The following SSH2 variants were observed in gnomAD, a reference collection of about 807,000 sequenced individuals.
SSH2 encodes protein phosphatase Slingshot homolog 2.
In SSH2, 37 loss-of-function variants were observed where a neutral mutation model predicts 135.2. The ratio of observed to expected loss-of-function variants is 0.27; its 90% confidence interval spans 0.21 to 0.36. The LOEUF (loss-of-function observed/expected upper bound fraction) is 0.36, where lower values mean the gene tolerates loss of function less well. Ranked by LOEUF, SSH2 falls within the 10% of genes least tolerant of loss-of-function variation. The pLI, the probability that SSH2 is intolerant of heterozygous loss-of-function variation, is 1.00. For synonymous variants in SSH2, 628 were observed against 646.2 expected (o/e 0.97, Z 0.43); for missense variants, 1,408 against 1,765.3 (o/e 0.80, Z 3.63).
In SSH2 at chr17:29,716,382, T is replaced by C. The variant is rs73280673; in HGVS notation, c.189-13320A>G. 380 of 534,704 alleles carry C rather than the reference T, an allele frequency of 7.1e-4. 3 individuals carry two copies. Among genetic ancestry groups the C allele is most frequent in the African/African-American group, 5.8e-3 (303 of 51,938 alleles). The allele number at this position is 534,704 out of a possible 1,614,324, so 33.1% of individuals were successfully genotyped here. ...CTCTTAGAGTGCTTTATGTGCTCAA[T>C]ACACACATTAATTAGAGTGCTTAAT... On this transcript the variant is annotated intron_variant, in intron 3 of 15. Coordinates refer to ENST00000540801, the MANE Select transcript of SSH2 (RefSeq NM_001282129.2).
chr17:29,867,451 G>A (rs2065872458), intron 1 of SSH2, among the ~76,000 whole-genome samples: 1 of 152,278 alleles, frequency 6.6e-6, no homozygotes, highest in South Asian at 2.1e-4. Context: ...TTGGGACCTG[G>A]ACTATGAAAG....
chr17:29,895,148 A>G (rs1475895860), intron 1 of SSH2, among the ~76,000 whole-genome samples: 1 of 147,732 alleles, frequency 6.8e-6, no homozygotes, highest in African/African-American at 2.5e-5. Context: ...TATTTTATTT[A>G]TAGATCGCAG....
chr17:29,816,154 C>T (rs62068616), intron 2 of SSH2, among the ~76,000 whole-genome samples: 8 of 152,072 alleles, frequency 5.3e-5, no homozygotes, highest in Non-Finnish European at 8.8e-5. Flanking sequence ...TGGCCTAGAG[C>T]CCTGATTTTT....
At chr17:29,736,295 G>C (rs953448518) in intron 3 of SSH2, among the ~76,000 whole-genome samples, 3 of 152,094 alleles carry the variant, frequency 2.0e-5, no homozygotes, top group African/African-American at 7.2e-5. Context: ...GGACACTCTA[G>C]AAATGTCAAC....
intron 1 of SSH2, among the ~76,000 whole-genome samples, chr17:29,925,769 CA>C: frequency 1.3e-5 from 2 of 151,006 alleles, no homozygotes; most frequent in Admixed American, 6.6e-5. Flanking sequence ...GTTTTCACCA[CA>C]AAAAAAGCTA....
chr17:29,882,113 GA>G (rs1324307983), intron 1 of SSH2, among the ~76,000 whole-genome samples: 3 of 152,174 alleles, frequency 2.0e-5, no homozygotes, highest in African/African-American at 7.2e-5. Context: ...TCTAAAATGA[GA>G]ATGTAATTTT....
At chr17:29,641,378 A>G (rs186988010) in intron 14 of SSH2, among the ~76,000 whole-genome samples, 1 of 151,668 alleles carries the variant, frequency 6.6e-6, no homozygotes, top group Non-Finnish European at 1.5e-5. Context: ...CCCACCTCCC[A>G]CCCCCTTCCA....
At chr17:29,785,828 G>A (rs1324958319) in intron 3 of SSH2, among the ~76,000 whole-genome samples, 2 of 121,722 alleles carry the variant, frequency 1.6e-5, no homozygotes, top group African/African-American at 3.3e-5. Flanking sequence ...TTTTTTAGAC[G>A]GAGTCTGCCT....
intron 3 of SSH2, among the ~76,000 whole-genome samples, chr17:29,724,907 G>A (rs1374733408): frequency 6.6e-6 from 1 of 151,668 alleles, no homozygotes; most frequent in East Asian, 2.0e-4. Flanking sequence ...TTTTCTGAAG[G>A]TGTTCTAGTT....
intron 11 of SSH2, among the ~76,000 whole-genome samples, chr17:29,663,805 GAACCCTA>G (rs1403968482): frequency 1.3e-5 from 2 of 152,148 alleles, no homozygotes; most frequent in Non-Finnish European, 2.9e-5. Context: ...CACCAAGAGT[GAACCCTA>G]TTGTAAACTA....
intron 14 of SSH2, among the ~76,000 whole-genome samples, chr17:29,638,905 A>G (rs1020894918): frequency 1.3e-5 from 2 of 152,130 alleles, no homozygotes; most frequent in African/African-American, 4.8e-5. Context: ...TTATAATCAG[A>G]AAAAAACCTA....
At chr17:29,656,225 GGAATGCAATGGCGT>G (rs2036773913) in intron 11 of SSH2, among the ~76,000 whole-genome samples, 1 of 152,118 alleles carries the variant, frequency 6.6e-6, no homozygotes, top group Admixed American at 6.5e-5. Flanking sequence ...CACCCAGGCT[GGAATGCAATGGCGT>G]GATCTCGGTT....
chr17:29,635,745 T>G (rs1397440746), intron 15 of SSH2, among the ~76,000 whole-genome samples: 1 of 152,174 alleles, frequency 6.6e-6, no homozygotes, highest in Non-Finnish European at 1.5e-5. Flanking sequence ...GGACACTTGT[T>G]TTTGGCTCAC....
intron 3 of SSH2, among the ~76,000 whole-genome samples, chr17:29,733,044 A>G (rs547784445): frequency 6.6e-6 from 1 of 152,330 alleles, no homozygotes; most frequent in South Asian, 2.1e-4. Flanking sequence ...CAGGTTTTCA[A>G]CCTGGGAATC....
chr17:29,784,705 A>G (rs2041923733), intron 3 of SSH2, among the ~76,000 whole-genome samples: 1 of 152,146 alleles, frequency 6.6e-6, no homozygotes, highest in Non-Finnish European at 1.5e-5. Context: ...ACATAGATCT[A>G]TCAAATTGAA....
At chr17:29,910,665 C>A (rs1189252410) in intron 1 of SSH2, among the ~76,000 whole-genome samples, 4 of 152,140 alleles carry the variant, frequency 2.6e-5, no homozygotes, top group Non-Finnish European at 5.9e-5. Flanking sequence ...GAATGACTCC[C>A]AGATGAATTT....
chr17:29,805,183 T>A (rs867782938), intron 2 of SSH2, among the ~76,000 whole-genome samples: 1 of 151,368 alleles, frequency 6.6e-6, no homozygotes, highest in Non-Finnish European at 1.5e-5. Context: ...CGAGATGGAG[T>A]CTCATTCTGT....
At chr17:29,845,864 C>A (rs546420645) in intron 2 of SSH2, among the ~76,000 whole-genome samples, 7 of 151,990 alleles carry the variant, frequency 4.6e-5, no homozygotes, top group African/African-American at 1.5e-4. Flanking sequence ...CTGGCCCCAA[C>A]TAATTGTTTC....
In SSH2 at chr17:29,923,324, A is replaced by G. The variant is rs181539506; in HGVS notation, c.63+6614T>C. On this transcript the variant is annotated intron_variant, in intron 1 of 15. Coordinates refer to ENST00000540801, the MANE Select transcript of SSH2 (RefSeq NM_001282129.2). ...GATGTTCATTGTAATGTAATTTATA[A>G]TAGAAAAAAAAGGGCTGGGTGTGGT... Among the ~76,000 whole-genome samples, 150 of 152,258 alleles carry G rather than the reference A, an allele frequency of 9.9e-4. 2 individuals are homozygous for G. In the Middle Eastern group the frequency reaches 0.01, roughly 10 times the overall value.
Sources: gnomAD v4.1 joint callset for allele counts (sites outside exome capture counted in the v4.1 genomes callset) on GRCh38, gnomAD v4.1.1 for gene constraint, MANE v1.5 for transcripts, NCBI Gene and HGNC (gene_info 2026-07-23, HGNC 2026-07-21) for gene names.